CEP85L: variants seen among roughly 807,000 people sequenced by gnomAD.
The protein encoded by CEP85L is centrosomal protein of 85 kDa-like.
A neutral mutation model predicts 100.3 loss-of-function variants in CEP85L; 60 were observed. The observed-to-expected ratio is 0.60, with a 90% CI of 0.49 to 0.74. The LOEUF (loss-of-function observed/expected upper bound fraction) is 0.74, where lower values mean the gene tolerates loss of function less well. Among genes scored for constraint, CEP85L ranks in the 30% least tolerant of loss-of-function variants. The pLI, the probability that CEP85L is intolerant of heterozygous loss-of-function variation, is 0.00. For synonymous variants in CEP85L, 319 were observed against 322.7 expected (o/e 0.99, Z 0.12); for missense variants, 973 against 936.2 (o/e 1.04, Z -0.51).
chr6:118,509,723 G>A (rs1266759158), intron 5 of CEP85L, among the ~76,000 whole-genome samples: 4 of 151,966 alleles, frequency 2.6e-5, no homozygotes, highest in Non-Finnish European at 5.9e-5. Flanking sequence ...ACAAATAGAA[G>A]TATATACCAC....
chr6:118,674,377 A>T (rs1022606479), intron 1 of CEP85L, among the ~76,000 whole-genome samples: 2 of 152,204 alleles, frequency 1.3e-5, no homozygotes, highest in Admixed American at 1.3e-4. Context: ...TAAAAAAATT[A>T]GCTGGGCATG....
intron 2 of CEP85L, among the ~76,000 whole-genome samples, chr6:118,630,183 G>C (rs893238484): frequency 3.9e-5 from 6 of 152,104 alleles, no homozygotes; most frequent in African/African-American, 1.2e-4. Context: ...AACCTAAAAC[G>C]CATGTGTGTG....
intron 1 of CEP85L, among the ~76,000 whole-genome samples, chr6:118,645,395 G>T (rs117601233): frequency 0.014 from 2,177 of 152,226 alleles, 34 homozygotes; most frequent in Middle Eastern, 0.048. Context: ...CCACTACCAG[G>T]CAGCATGGTG....
intron 2 of CEP85L, among the ~76,000 whole-genome samples, chr6:118,621,270 A>G (rs2115276137): frequency 6.6e-6 from 1 of 152,342 alleles, no homozygotes; most frequent in South Asian, 2.1e-4. Flanking sequence ...TCAATGAGGC[A>G]GTAATTCCTT....
At chr6:118,486,192 AT>A (rs915800060) in intron 6 of CEP85L, among the ~76,000 whole-genome samples, 5 of 150,772 alleles carry the variant, frequency 3.3e-5, no homozygotes, top group East Asian at 2.0e-4. Flanking sequence ...TTGGTGTTTC[AT>A]TTTTTTTTAA....
chr6:118,646,120 G>A (rs1480805453), intron 1 of CEP85L, among the ~76,000 whole-genome samples: 2 of 152,226 alleles, frequency 1.3e-5, no homozygotes, highest in South Asian at 2.1e-4. Context: ...GGGAGGCTGA[G>A]GCAGAAGAAT....
At chr6:118,553,917 T>C (rs1023021262) in intron 3 of CEP85L, among the ~76,000 whole-genome samples, 2 of 152,158 alleles carry the variant, frequency 1.3e-5, no homozygotes, top group African/African-American at 4.8e-5. Context: ...GAAAGAGACT[T>C]GAGGAAAATA....
chr6:118,647,675 T>TA (rs1775291753), intron 1 of CEP85L, among the ~76,000 whole-genome samples: 1 of 152,276 alleles, frequency 6.6e-6, no homozygotes. Flanking sequence ...GTTAGTATTT[T>TA]AAAAAAATTA....
chr6:118,623,576 G>A (rs893659857), intron 2 of CEP85L, among the ~76,000 whole-genome samples: 3 of 152,130 alleles, frequency 2.0e-5, no homozygotes. Flanking sequence ...AAAGGCAAAT[G>A]AAACACTAAA....
At chr6:118,657,721 A>G (rs2115400678) in intron 1 of CEP85L, among the ~76,000 whole-genome samples, 1 of 140,048 alleles carries the variant, frequency 7.1e-6, no homozygotes, top group Non-Finnish European at 1.6e-5. Context: ...GGACTGGGCC[A>G]GGGAGCTACT....
chr6:118,598,737 T>C (rs1781577396), intron 2 of CEP85L, among the ~76,000 whole-genome samples: 1 of 152,198 alleles, frequency 6.6e-6, no homozygotes, highest in Admixed American at 6.5e-5. Flanking sequence ...AGAAAAAATA[T>C]TTTTGTTGTT....
chr6:118,610,728 C>A (rs1772551108), intron 2 of CEP85L, among the ~76,000 whole-genome samples: 1 of 151,540 alleles, frequency 6.6e-6, no homozygotes, highest in South Asian at 2.1e-4. Context: ...AATTGAATTT[C>A]TGAAAACTGA....
intron 2 of CEP85L, among the ~76,000 whole-genome samples, chr6:118,605,807 T>A (rs1375170568): frequency 6.6e-6 from 1 of 151,974 alleles, no homozygotes; most frequent in Non-Finnish European, 1.5e-5. Flanking sequence ...GGTCAGGAGA[T>A]CGAGGCCATC....
intron 1 of CEP85L, among the ~76,000 whole-genome samples, chr6:118,677,932 A>G (rs1429856504): frequency 2.0e-5 from 3 of 152,198 alleles, no homozygotes; most frequent in African/African-American, 7.2e-5. Flanking sequence ...ATCCTCTTCA[A>G]TAATCTTGTC....
intron 10 of CEP85L, among the ~76,000 whole-genome samples, chr6:118,475,234 G>A (rs1047619513): frequency 6.6e-6 from 1 of 151,968 alleles, no homozygotes; most frequent in Non-Finnish European, 1.5e-5. Context: ...GCTTCTATTC[G>A]AGATGATAAA....
intron 2 of CEP85L, among the ~76,000 whole-genome samples, chr6:118,614,903 G>GATAC (rs1772923972): frequency 6.7e-6 from 1 of 150,350 alleles, no homozygotes; most frequent in Non-Finnish European, 1.5e-5. Context: ...TAGATAGATA[G>GATAC]ATAGATTTTT....
At chr6:118,465,646 C>T (rs1242279072) in intron 12 of CEP85L, 78 bp from the exon 13 acceptor site, 2 of 1,356,724 alleles carry the variant, frequency 1.5e-6, no homozygotes, top group Non-Finnish European at 2.1e-6. Context: ...CCTTAATCAT[C>T]ATGGAAATAC....
chr6:118,524,835 G>A (rs1206059685), intron 3 of CEP85L, among the ~76,000 whole-genome samples: 1 of 152,224 alleles, frequency 6.6e-6, no homozygotes, highest in Non-Finnish European at 1.5e-5. Flanking sequence ...ATGTGGGCAT[G>A]CCCATAGCTG....
At chr6:118,658,248 A>C (rs1293154820) in intron 1 of CEP85L, among the ~76,000 whole-genome samples, 1 of 152,220 alleles carries the variant, frequency 6.6e-6, no homozygotes, top group African/African-American at 2.4e-5. Context: ...TAAAAATAAT[A>C]CATATAAAAA....
Sources: gnomAD v4.1 joint callset for allele counts (sites outside exome capture counted in the v4.1 genomes callset) on GRCh38, gnomAD v4.1.1 for gene constraint, MANE v1.5 for transcripts, NCBI Gene and HGNC (gene_info 2026-07-23, HGNC 2026-07-21) for gene names.